Variants in AKAP11 observed in about 807,000 individuals in gnomAD.
AKAP11 encodes A-kinase anchor protein 11.
AKAP11 carries 36 observed loss-of-function variants against 146.1 expected under a neutral mutation model. The observed-to-expected ratio is 0.25, with a 90% CI of 0.19 to 0.33. AKAP11 has a LOEUF of 0.33. Ranked by LOEUF, AKAP11 falls within the 10% of genes least tolerant of loss-of-function variation. The pLI is 1.00. For synonymous variants in AKAP11, 780 were observed against 786.5 expected, an observed-to-expected ratio of 0.99 and a Z score of 0.14; for missense variants, 2,201 against 2,197.0, an observed-to-expected ratio of 1.00 and a Z score of -0.04.
At chr13:42,310,864 A>G (rs1334543589) in intron 9 of AKAP11, among the ~76,000 whole-genome samples, 2 of 152,118 alleles carry the variant, frequency 1.3e-5, no homozygotes, top group Non-Finnish European at 2.9e-5. Flanking sequence ...GTCAAAAAAA[A>G]AAAAAAAAGA....
intron 3 of AKAP11, among the ~76,000 whole-genome samples, chr13:42,288,669 G>T (rs768924749): frequency 6.6e-6 from 1 of 152,180 alleles, no homozygotes; most frequent in Non-Finnish European, 1.5e-5. Flanking sequence ...CTTAGTCTCT[G>T]TTGCCTTTGG....
At chr13:42,281,468 C>A (rs34149529) in intron 1 of AKAP11, among the ~76,000 whole-genome samples, 19,452 of 152,162 alleles carry the variant, frequency 0.13, 1,390 homozygotes, top group South Asian at 0.2. Context: ...GCTTCACAGA[C>A]TGGCATAGTT....
intron 11 of AKAP11, among the ~76,000 whole-genome samples, chr13:42,317,157 C>T (rs1960862355): frequency 6.6e-6 from 1 of 152,152 alleles, no homozygotes; most frequent in African/African-American, 2.4e-5. Context: ...GGATTACAGG[C>T]CTGAGCCACC....
chr13:42,316,084 C>T (rs867493183), intron 11 of AKAP11, among the ~76,000 whole-genome samples: 24 of 152,120 alleles, frequency 1.6e-4, no homozygotes, highest in African/African-American at 5.1e-4. Flanking sequence ...TGCCTTGTAC[C>T]ATGGTATGCC....
rs939201791 is a variant in AKAP11 at position 42,321,948 on chromosome 13, G to T, written c.*2720G>T. 1.3e-5 allele frequency: 2 copies of T among 152,256 alleles called. No homozygotes were observed. The highest frequency in any genetic ancestry group is 4.8e-5 in the African/African-American group (2 of 41,442). The allele number at this position is 152,256 out of a possible 1,614,324, so 9.4% of individuals were successfully genotyped here. A position where few individuals can be genotyped will look rare whatever the true frequency, so the allele number is the denominator to read the frequency against. On this transcript the variant is annotated 3_prime_UTR_variant, in exon 13 of 13. Transcript: ENST00000025301. ...TCTGATAGGGGGTTTTCAGAACCTT[G>T]TTCACACCAAAATGTGACAGTTCTT... is the stretch of plus-strand genomic sequence containing the variant.
Position 42,298,712 on chromosome 13 carries a change from C to T in AKAP11, c.531C>T (p.Asn177=). The change falls in exon 7 of 13, where the codon AAC becomes AAT. Residue 177 remains asparagine, a synonymous_variant. Transcript: ENST00000025301. ...ETTDEDDDDT[N]QSVSSIEDDF... ...CTGATGAAGATGATGATGATACTAA[C>T]CAGTCTGTGTCATCCATAGAGGATG... is the stretch of plus-strand genomic sequence containing the variant. 3 of 1,610,054 alleles carry T rather than the reference C, an allele frequency of 1.9e-6. No homozygotes were observed. Among genetic ancestry groups the T allele is most frequent in the Non-Finnish European group, 2.5e-6 (3 of 1,178,658 alleles).
At chr13:42,295,870 A>T in intron 5 of AKAP11, 128 bp downstream of exon 5, 4 of 753,718 alleles carry the variant, frequency 5.3e-6, no homozygotes, top group Non-Finnish European at 8.9e-6. Flanking sequence ...TTCTGTGTAT[A>T]ATACAGAATG....
intron 10 of AKAP11, among the ~76,000 whole-genome samples, chr13:42,313,430 G>GT (rs1197366459): frequency 5.3e-5 from 8 of 151,982 alleles, no homozygotes; most frequent in Admixed American, 2.0e-4. Flanking sequence ...TTTCTGTTGG[G>GT]TTTTTTTGTT....
chr13:42,317,822 A>G, intron 12 of AKAP11, 134 bp downstream of exon 12: 2 of 988,896 alleles, frequency 2.0e-6, no homozygotes, highest in East Asian at 2.6e-5. Context: ...GGGTTCAGAC[A>G]TCAGCTCTGC....
At position 42,303,412 on chromosome 13, in the gene AKAP11, C is replaced by G. The variant is rs369410726; in HGVS notation, c.4666C>G (p.Leu1556Val). 2 of 1,614,052 alleles carry G rather than the reference C, an allele frequency of 1.2e-6. No homozygotes were observed. The highest frequency in any genetic ancestry group is 1.3e-5 in the African/African-American group (1 of 75,036). The change falls in exon 8 of 13, where the codon CTA becomes GTA. Residue 1556 changes from leucine to valine, a missense_variant. Physicochemically the swap from Leu to Val is conservative, Grantham distance 32 (BLOSUM62 1). This residue lies in a region of AKAP11 where 1,867 missense variants were observed against 1,833.5 expected (regional missense o/e 1.02). Transcript: ENST00000025301. The stretch of plus-strand genomic sequence containing the variant: ...AGTGGATGACACTCTAGAGCTAACT[C>G]TAGGATCTACAGTGTTCCGAGTGTC... ...KVVDDTLELT[L>V]GSTVFRVSET... is the part of the protein sequence containing the mutation.
At chr13:42,314,060 G>T in intron 11 of AKAP11, 120 bp downstream of exon 11, 1 of 960,042 alleles carries the variant, frequency 1.0e-6, no homozygotes, top group Non-Finnish European at 1.5e-6. Flanking sequence ...TATAAATCAG[G>T]GTATTCTTGA....
At chr13:42,282,164 T>C (rs1215894802) in intron 1 of AKAP11, among the ~76,000 whole-genome samples, 1 of 151,982 alleles carries the variant, frequency 6.6e-6, no homozygotes, top group Non-Finnish European at 1.5e-5. Context: ...AGTCTGGGTT[T>C]TGCCATGTTG....
At chr13:42,306,019 C>A (rs1960236025) in intron 8 of AKAP11, among the ~76,000 whole-genome samples, 1 of 152,142 alleles carries the variant, frequency 6.6e-6, no homozygotes, top group Non-Finnish European at 1.5e-5. Flanking sequence ...ATGATCCAAT[C>A]ACCTCCCACC....
chr13:42,308,188 A>G (rs1960368385), intron 8 of AKAP11, among the ~76,000 whole-genome samples: 1 of 152,216 alleles, frequency 6.6e-6, no homozygotes, highest in Non-Finnish European at 1.5e-5. Context: ...TAGAATTTAG[A>G]GAAATAATGC....
chr13:42,288,003 A>C (rs1300267246), intron 3 of AKAP11, among the ~76,000 whole-genome samples: 1 of 152,172 alleles, frequency 6.6e-6, no homozygotes, highest in Non-Finnish European at 1.5e-5. Context: ...TTTGAATTCA[A>C]CTTGAATTAT....
At chr13:42,309,256 T>G (rs181843399) in intron 9 of AKAP11, among the ~76,000 whole-genome samples, 1 of 151,880 alleles carries the variant, frequency 6.6e-6, no homozygotes, top group Admixed American at 6.5e-5. Flanking sequence ...AGTCTTAACC[T>G]CTACCTAAAG....
Position 42,313,329 on chromosome 13 carries a change from C to G in AKAP11, c.5357+199C>G, listed in dbSNP as rs543731076. On this transcript the variant is annotated intron_variant, in intron 10 of 12. Transcript: ENST00000025301. ...CTAAGATATGACTGACATCTAATTG[C>G]AAAATGTGTCACTGTTATGCATGTG... Among the ~76,000 whole-genome samples, 16 of 152,282 alleles carry G rather than the reference C, an allele frequency of 1.1e-4. 1 individual carries two copies. The South Asian group carries it at 3.3e-3, about 32-fold the overall frequency.
chr13:42,298,932 A>T (rs1959679299), intron 7 of AKAP11, 135 bp downstream of exon 7: 1 of 892,186 alleles, frequency 1.1e-6, no homozygotes, highest in Admixed American at 3.7e-5. Context: ...TTTTTTTCTG[A>T]TTACCTAAGG....
chr13:42,285,254 G>T (rs1179351217), intron 1 of AKAP11, among the ~76,000 whole-genome samples: 1 of 151,958 alleles, frequency 6.6e-6, no homozygotes, highest in Admixed American at 6.6e-5. Context: ...ATATTGTCTA[G>T]ACTGGCTTTG....
Sources: gnomAD v4.1 joint callset for allele counts (sites outside exome capture counted in the v4.1 genomes callset) on GRCh38, gnomAD v4.1.1 for gene constraint, gnomAD v4.1.1 regional missense constraint, MANE v1.5 for transcripts, NCBI Gene and HGNC (gene_info 2026-07-23, HGNC 2026-07-21) for gene names.